The following NCOA1 variants were observed in gnomAD, a reference collection of about 807,000 sequenced individuals.
The protein encoded by NCOA1 is nuclear receptor coactivator 1, also known as Hin-2 protein.
In NCOA1, 35 loss-of-function variants were observed where a neutral mutation model predicts 150.9. The ratio of observed to expected loss-of-function variants is 0.23; its 90% confidence interval spans 0.18 to 0.31. The LOEUF is 0.31. Among genes scored for constraint, NCOA1 ranks in the 10% least tolerant of loss-of-function variants. The pLI is 1.00. For missense variants in NCOA1, 1,491 were observed against 1,749.3 expected (o/e 0.85, Z 2.63); for synonymous variants, 590 against 630.0 (o/e 0.94, Z 0.95).
At chr2:24,513,797 A>T (rs1159447542) in intron 1 of NCOA1, among the ~76,000 whole-genome samples, 1 of 152,146 alleles carries the variant, frequency 6.6e-6, no homozygotes, top group Non-Finnish European at 1.5e-5. Flanking sequence ...CTAAAATGGG[A>T]TTCATAAGGT....
intron 3 of NCOA1, among the ~76,000 whole-genome samples, chr2:24,613,169 C>T (rs1003910781): frequency 1.3e-5 from 2 of 151,854 alleles, no homozygotes; most frequent in Non-Finnish European, 2.9e-5. Flanking sequence ...GGCTTTGCTT[C>T]TATAGCCTAT....
intron 21 of NCOA1, among the ~76,000 whole-genome samples, chr2:24,762,339 A>G (rs1189291140): frequency 1.3e-5 from 2 of 152,230 alleles, no homozygotes; most frequent in African/African-American, 4.8e-5. Context: ...CCACTAATTA[A>G]CATATGTATG....
intron 2 of NCOA1, among the ~76,000 whole-genome samples, chr2:24,565,149 G>A (rs993579037): frequency 6.6e-6 from 1 of 152,074 alleles, no homozygotes; most frequent in African/African-American, 2.4e-5. Context: ...AACATGGGGT[G>A]GATCCCCACT....
At chr2:24,635,577 G>A (rs181244752) in intron 3 of NCOA1, among the ~76,000 whole-genome samples, 1 of 152,316 alleles carries the variant, frequency 6.6e-6, no homozygotes, top group African/African-American at 2.4e-5. Flanking sequence ...ATTTTTGGGA[G>A]TGCCTTTTCT....
chr2:24,741,799 C>G lies in NCOA1; in HGVS notation c.3319C>G (p.Gln1107Glu). The G allele has an allele frequency of 6.2e-7, 1 of 1,612,906 alleles. No individual in the cohort carries two copies. Among genetic ancestry groups the G allele is most frequent in the Non-Finnish European group, 8.5e-7 (1 of 1,179,368 alleles). The stretch of plus-strand genomic sequence containing the variant: ...TGCTTTTCAGCCACCCCTGAATGCT[C>G]AAATGTTGGCACAACGTCAGCGGGA... ...QITPQPPLNA[Q>E]MLAQRQRELY... Residue 1107 changes from glutamine to glutamate, a missense_variant, in exon 19 of 23, where the codon CAA (glutamine) becomes GAA (glutamate). Transcript: ENST00000348332.
chr2:24,546,394 T>C (rs1665607326), intron 1 of NCOA1, among the ~76,000 whole-genome samples: 1 of 152,216 alleles, frequency 6.6e-6, no homozygotes, highest in Non-Finnish European at 1.5e-5. Context: ...TTTAATATGT[T>C]ATTTGTCTGT....
chr2:24,606,466 A>G (rs933813093), intron 3 of NCOA1, among the ~76,000 whole-genome samples: 1 of 152,082 alleles, frequency 6.6e-6, no homozygotes, highest in Non-Finnish European at 1.5e-5. Context: ...CGAACTCCTG[A>G]CCTCAGGTCA....
chr2:24,629,393 A>G (rs1669577176), intron 3 of NCOA1, among the ~76,000 whole-genome samples: 1 of 151,970 alleles, frequency 6.6e-6, no homozygotes, highest in Admixed American at 6.6e-5. Context: ...AAAAGTTTAT[A>G]ATCTGCCTTT....
At chr2:24,747,741 T>C (rs1450737838) in intron 19 of NCOA1, among the ~76,000 whole-genome samples, 1 of 152,084 alleles carries the variant, frequency 6.6e-6, no homozygotes, top group Non-Finnish European at 1.5e-5. Flanking sequence ...GGAGAGTTAA[T>C]GCAAAGACAT....
intron 22 of NCOA1, among the ~76,000 whole-genome samples, chr2:24,763,311 G>A (rs371137112): frequency 5.9e-5 from 9 of 151,888 alleles, no homozygotes; most frequent in East Asian, 5.9e-4. Context: ...AGGCCGAGGC[G>A]GGCGGATCAC....
At chr2:24,681,572 A>G (rs532516115) in intron 7 of NCOA1, among the ~76,000 whole-genome samples, 1 of 152,306 alleles carries the variant, frequency 6.6e-6, no homozygotes, top group Non-Finnish European at 1.5e-5. Context: ...TTCACATGCT[A>G]TCTCTATAGC....
At position 24,739,496 on chromosome 2, in the gene NCOA1, A is replaced by G. The variant is rs762779555; in HGVS notation, c.3266A>G (p.Asn1089Ser). The G allele has an allele frequency of 3.0e-5, 48 of 1,613,984 alleles. No individual in the cohort carries two copies. In the Admixed American group the frequency reaches 7.5e-4, roughly 25 times the overall value. ...QFAATAPVGI[N>S]MRSGMQQQIT... Reference sequence around the variant, plus strand: ...GCAGCAACTGCTCCTGTTGGCATCAATATGAGATCAGGCATGCAACAGCAA... The same window carrying G: ...GCAGCAACTGCTCCTGTTGGCATCAGTATGAGATCAGGCATGCAACAGCAA... The change falls in exon 18 of 23, where the codon AAT becomes AGT. Residue 1089 changes from asparagine (N) to serine (S), a missense_variant. By Grantham distance (46) the Asn-to-Ser change is conservative. Transcript: ENST00000348332.
intron 3 of NCOA1, among the ~76,000 whole-genome samples, chr2:24,642,043 CGTGCGTATGTGT>C (rs1442498911): frequency 2.2e-5 from 2 of 90,558 alleles, no homozygotes; most frequent in African/African-American, 8.5e-5. Context: ...TGTGTGCGCG[CGTGCGTATGTGT>C]GTGTGTATGT....
rs1049023 is a variant in NCOA1, at chr2:24,707,846, C to G, written c.2376C>G (p.Thr792=). Residue 792 remains threonine, a synonymous_variant, in exon 13 of 23, where the codon ACC becomes ACG. Coordinates refer to ENST00000348332, the MANE Select transcript of NCOA1 (RefSeq NM_003743.5). ...DPCNTNPTPM[T]KPTPEEIKLE... ...GTAATACAAACCCAACCCCAATGAC[C>G]AAACCCACTCCTGAGGAAATAAAAC... 12 of 1,611,204 alleles carry G rather than the reference C, an allele frequency of 7.4e-6. No homozygotes were observed. In the African/African-American group the frequency reaches 1.2e-4, roughly 16 times the overall value.
intron 1 of NCOA1, among the ~76,000 whole-genome samples, chr2:24,517,245 TG>T (rs372443481): frequency 6.6e-6 from 1 of 152,144 alleles, no homozygotes; most frequent in Non-Finnish European, 1.5e-5. Context: ...TATTTTCTGC[TG>T]TGAGTGTCTT....
At chr2:24,529,157 A>G (rs891429612) in intron 1 of NCOA1, among the ~76,000 whole-genome samples, 3 of 152,204 alleles carry the variant, frequency 2.0e-5, no homozygotes, top group Non-Finnish European at 4.4e-5. Context: ...AAGTGTTGGG[A>G]TTACAGGCAT....
chr2:24,610,495 T>C (rs1668575356), intron 3 of NCOA1, among the ~76,000 whole-genome samples: 1 of 152,106 alleles, frequency 6.6e-6, no homozygotes, highest in Non-Finnish European at 1.5e-5. Context: ...TCACTGACTC[T>C]GTTTATTTAC....
intron 1 of NCOA1, among the ~76,000 whole-genome samples, chr2:24,555,055 G>A (rs1666018653): frequency 6.6e-6 from 1 of 152,012 alleles, no homozygotes; most frequent in Non-Finnish European, 1.5e-5. Context: ...GGTTTAATAG[G>A]CAAGAGAAAG....
At chr2:24,551,423 A>G (rs538725155) in intron 1 of NCOA1, among the ~76,000 whole-genome samples, 4 of 152,220 alleles carry the variant, frequency 2.6e-5, no homozygotes, top group African/African-American at 4.8e-5. Context: ...TTACATTTTT[A>G]TAACACTATC....
Sources: gnomAD v4.1 joint callset for allele counts (sites outside exome capture counted in the v4.1 genomes callset) on GRCh38, gnomAD v4.1.1 for gene constraint, MANE v1.5 for transcripts, NCBI Gene and HGNC (gene_info 2026-07-23, HGNC 2026-07-21) for gene names.